The following IRAK1BP1 variants were observed in gnomAD, a reference collection of about 807,000 sequenced individuals.
The protein encoded by IRAK1BP1 is interleukin-1 receptor-associated kinase 1-binding protein 1.
In IRAK1BP1, 24 loss-of-function variants were observed where a neutral mutation model predicts 28.0. The ratio of observed to expected loss-of-function variants is 0.86; its 90% confidence interval spans 0.62 to 1.20. The LOEUF (loss-of-function observed/expected upper bound fraction) is 1.20. IRAK1BP1 is among the 50% of genes most tolerant of loss of function. The pLI, the probability that IRAK1BP1 is intolerant of heterozygous loss-of-function variation, is 0.00. For synonymous variants in IRAK1BP1, 131 were observed against 116.3 expected (o/e 1.13, Z -0.81); for missense variants, 336 against 316.7 (o/e 1.06, Z -0.46).
intron 1 of IRAK1BP1, among the ~76,000 whole-genome samples, chr6:78,872,503 T>G (rs1224100690): frequency 6.6e-6 from 1 of 152,206 alleles, no homozygotes; most frequent in Non-Finnish European, 1.5e-5. Flanking sequence ...TTACCAGAAA[T>G]GTTTTGGATT....
chr6:78,962,618 T>C, the IRAK1BP1 span, among the ~76,000 whole-genome samples: 1 of 152,146 alleles, frequency 6.6e-6, no homozygotes, highest in African/African-American at 2.4e-5. Flanking sequence ...AGAATTTAGA[T>C]AATCAAGTTT....
the IRAK1BP1 span, among the ~76,000 whole-genome samples, chr6:78,963,999 A>C: frequency 6.6e-6 from 1 of 152,230 alleles, no homozygotes; most frequent in African/African-American, 2.4e-5. Context: ...GTAGGAAACA[A>C]AACAGTGAAT....
chr6:78,915,241 A>G (rs1054960130), intron 4 of IRAK1BP1, among the ~76,000 whole-genome samples: 1 of 152,240 alleles, frequency 6.6e-6, no homozygotes, highest in Non-Finnish European at 1.5e-5. Flanking sequence ...GCATTAAATT[A>G]TGAGCAACTA....
In IRAK1BP1 at chr6:78,900,988, A is replaced by G. The variant is rs888174686; in HGVS notation, c.*2654A>G. ...CCAATGTAACATATGTTGAATTTTT[A>G]TTACCAAAAAGAAGTTACTATCCAG... On this transcript the variant is annotated 3_prime_UTR_variant, in exon 4 of 4. Coordinates refer to ENST00000369940, the MANE Select transcript of IRAK1BP1 (RefSeq NM_001010844.4). 3.3e-5 allele frequency: 5 copies of G among 152,138 alleles called. No individual in the cohort carries two copies. Among genetic ancestry groups the G allele is most frequent in the Admixed American group, 2.6e-4 (4 of 15,270 alleles). 9.4% of individuals were successfully genotyped at this position (152,138 alleles called of 1,614,324 possible). A position where few individuals can be genotyped will look rare whatever the true frequency, so the allele number is the denominator to read the frequency against.
chr6:78,968,566 C>T, the IRAK1BP1 span, among the ~76,000 whole-genome samples: 1 of 152,248 alleles, frequency 6.6e-6, no homozygotes, highest in East Asian at 1.9e-4. Flanking sequence ...GAAGTAATTC[C>T]CTGTGGATAC....
chr6:78,949,211 C>A (rs1224228372), downstream of IRAK1BP1, among the ~76,000 whole-genome samples: 2 of 152,154 alleles, frequency 1.3e-5, no homozygotes, highest in African/African-American at 4.8e-5. Flanking sequence ...TAATGTCTCA[C>A]TTCTTCAGAT....
At chr6:78,953,477 A>G in the IRAK1BP1 span, among the ~76,000 whole-genome samples, 1 of 152,226 alleles carries the variant, frequency 6.6e-6, no homozygotes, top group Non-Finnish European at 1.5e-5. Context: ...CTGAGCTTGC[A>G]AGAACCAAAG....
chr6:78,891,105 T>G (rs1245489859), intron 2 of IRAK1BP1, among the ~76,000 whole-genome samples: 1 of 152,178 alleles, frequency 6.6e-6, no homozygotes, highest in Non-Finnish European at 1.5e-5. Context: ...CCAATTAATT[T>G]GACCTATTTA....
intron 1 of IRAK1BP1, among the ~76,000 whole-genome samples, chr6:78,875,732 G>C (rs1338765317): frequency 1.3e-5 from 2 of 152,118 alleles, no homozygotes; most frequent in Non-Finnish European, 2.9e-5. Context: ...TAGGGAGGGA[G>C]CACAGAAGTG....
chr6:78,972,552 A>C, the IRAK1BP1 span, among the ~76,000 whole-genome samples: 2 of 152,180 alleles, frequency 1.3e-5, no homozygotes, highest in Non-Finnish European at 2.9e-5. Flanking sequence ...AGCTGAGAGA[A>C]GAAGGCTTCA....
chr6:78,975,523 G>C, the IRAK1BP1 span, among the ~76,000 whole-genome samples: 16 of 152,278 alleles, frequency 1.1e-4, no homozygotes, highest in Admixed American at 9.8e-4. Context: ...GTTCTGGCCA[G>C]GGCAATTAGG....
the IRAK1BP1 span, among the ~76,000 whole-genome samples, chr6:78,979,386 A>G: frequency 6.6e-6 from 1 of 152,102 alleles, no homozygotes; most frequent in African/African-American, 2.4e-5. Flanking sequence ...AATGCTATCA[A>G]TTTTATAAAC....
In IRAK1BP1 at chr6:78,902,234, C is replaced by G. The variant is rs1377172191; in HGVS notation, c.*3900C>G. ...ATAGCTTACTGCAGCCTAAAAACTC[C>G]TGGGCTGAAGAAATCCTCTCACCTC... On this transcript the variant is annotated 3_prime_UTR_variant, in exon 4 of 4. Coordinates refer to ENST00000369940, the MANE Select transcript of IRAK1BP1 (RefSeq NM_001010844.4). 1 of 152,200 alleles carries G rather than the reference C, an allele frequency of 6.6e-6. No homozygotes were observed. Among genetic ancestry groups the G allele is most frequent in the Non-Finnish European group, 1.5e-5 (1 of 68,060 alleles). 9.4% of individuals were successfully genotyped at this position (152,200 alleles called of 1,614,324 possible).
At chr6:78,875,860 AAAAT>A (rs1466413767) in intron 1 of IRAK1BP1, among the ~76,000 whole-genome samples, 4 of 152,182 alleles carry the variant, frequency 2.6e-5, no homozygotes, top group East Asian at 1.9e-4. Context: ...TTCTGAATCT[AAAAT>A]AAATAAATAA....
intron 4 of IRAK1BP1, among the ~76,000 whole-genome samples, chr6:78,933,446 C>T (rs1429711058): frequency 7.3e-6 from 1 of 137,778 alleles, no homozygotes; most frequent in Non-Finnish European, 1.6e-5. Flanking sequence ...TGAACCCCTT[C>T]TCTTCTTAAA....
At chr6:78,970,965 C>T in the IRAK1BP1 span, 2 of 952,652 alleles carry the variant, frequency 2.1e-6, no homozygotes, top group Non-Finnish European at 1.6e-6. Context: ...GCTGAAATTG[C>T]AAAGAGAAAA....
the IRAK1BP1 span, among the ~76,000 whole-genome samples, chr6:78,953,244 G>C: frequency 6.6e-6 from 1 of 152,060 alleles, no homozygotes; most frequent in Non-Finnish European, 1.5e-5. Context: ...TTTTCATTCA[G>C]GGTACAGTTC....
At chr6:78,979,226 A>T in the IRAK1BP1 span, among the ~76,000 whole-genome samples, 1 of 152,212 alleles carries the variant, frequency 6.6e-6, no homozygotes, top group Admixed American at 6.5e-5. Flanking sequence ...CAGTGGCAAC[A>T]GAGTTATTCA....
chr6:78,931,867 C>T, intron 4 of IRAK1BP1, among the ~76,000 whole-genome samples: 1 of 152,126 alleles, frequency 6.6e-6, no homozygotes, highest in Non-Finnish European at 1.5e-5. Context: ...TGGACTCTTC[C>T]TTTCGCAAAA....
Sources: gnomAD v4.1 joint callset for allele counts (sites outside exome capture counted in the v4.1 genomes callset) on GRCh38, gnomAD v4.1.1 for gene constraint, MANE v1.5 for transcripts, NCBI Gene and HGNC (gene_info 2026-07-23, HGNC 2026-07-21) for gene names.